The following ARNT variants were observed in gnomAD, a reference collection of about 807,000 sequenced individuals.
The protein encoded by ARNT is class E basic helix-loop-helix protein 2.
Under a neutral mutation model 105.0 loss-of-function variants are expected in ARNT, and 30 were observed. The observed-to-expected ratio is 0.29, with a 90% CI of 0.21 to 0.39. The LOEUF (loss-of-function observed/expected upper bound fraction) is 0.39. Among genes scored for constraint, ARNT ranks in the 10% least tolerant of loss-of-function variants. The probability of loss-of-function intolerance (pLI) is 1.00; values close to 1 mark genes in which losing one functional copy is unlikely to be tolerated. For missense variants in ARNT, 748 were observed against 978.7 expected, an observed-to-expected ratio of 0.76 and a Z score of 3.15; for synonymous variants, 304 against 344.0, an observed-to-expected ratio of 0.88 and a Z score of 1.29.
At chr1:150,870,536 G>C (rs1306364025) in intron 1 of ARNT, among the ~76,000 whole-genome samples, 4 of 151,976 alleles carry the variant, frequency 2.6e-5, no homozygotes, top group African/African-American at 7.2e-5. Context: ...GTCTCACTCT[G>C]TCTCCTAGTC....
chr1:150,867,070 G>A (rs764268164), intron 1 of ARNT, among the ~76,000 whole-genome samples: 1 of 151,944 alleles, frequency 6.6e-6, no homozygotes, highest in Non-Finnish European at 1.5e-5. Context: ...AGCCAGGCGT[G>A]GTGGCACACT....
chr1:150,816,112 T>C (rs1655815657), intron 19 of ARNT, 147 bp downstream of exon 19: 1 of 974,668 alleles, frequency 1.0e-6, no homozygotes, highest in Middle Eastern at 3.2e-4. Context: ...TTTAATTAGC[T>C]ACTCTCAACA....
chr1:150,825,653 A>G (rs1234783005), intron 13 of ARNT, among the ~76,000 whole-genome samples: 2 of 152,056 alleles, frequency 1.3e-5, no homozygotes, highest in African/African-American at 4.8e-5. Context: ...GATCGAGACC[A>G]TCCTGGCCAA....
intron 13 of ARNT, among the ~76,000 whole-genome samples, chr1:150,825,484 C>T (rs1658016070): frequency 6.6e-6 from 1 of 152,156 alleles, no homozygotes; most frequent in Non-Finnish European, 1.5e-5. Context: ...CAGATATTTT[C>T]AGGAGCTGGA....
intron 1 of ARNT, among the ~76,000 whole-genome samples, chr1:150,869,461 A>G (rs1230302417): frequency 6.6e-6 from 1 of 152,186 alleles, no homozygotes; most frequent in Non-Finnish European, 1.5e-5. Flanking sequence ...TGGGTGACAG[A>G]AGGACACTCA....
intron 1 of ARNT, among the ~76,000 whole-genome samples, chr1:150,860,117 T>C (rs1005045040): frequency 6.6e-6 from 1 of 152,050 alleles, no homozygotes; most frequent in Admixed American, 6.6e-5. Context: ...CATCTCATTG[T>C]TTTTTGTTAG....
rs746208662 is a variant in ARNT at position 150,817,924 on chromosome 1, G to A, written c.1501C>T (p.Pro501Ser). Reference protein sequence around the residue: ...PLEMGSGQLAPRQQQQQTELD... With the variant: ...PLEMGSGQLASRQQQQQTELD... Reference sequence around the variant, plus strand: ...GATTATTTCACCCTTTTTTACCTGGGTGCCAGCTGTCCTGAGCCCATCTCC... The same window carrying A: ...GATTATTTCACCCTTTTTTACCTGGATGCCAGCTGTCCTGAGCCCATCTCC... The change falls in exon 15 of 22, where the codon CCC becomes TCC. Residue 501 changes from proline to serine, a missense_variant. Physicochemically the swap from Pro to Ser is moderately conservative, Grantham distance 74. This residue lies in a region of ARNT where 360 missense variants were observed against 411.9 expected (regional missense o/e 0.87). Transcript: ENST00000358595. 3 of 1,609,594 alleles carry A rather than the reference G, an allele frequency of 1.9e-6. No individual in the cohort carries two copies. Among genetic ancestry groups the A allele is most frequent in the Non-Finnish European group, 2.5e-6 (3 of 1,177,296 alleles).
In ARNT at chr1:150,816,369, G is replaced by T. The variant is rs775019737; in HGVS notation, c.1840C>A (p.Pro614Thr). 8.1e-6 allele frequency: 13 copies of T among 1,608,820 alleles called. No homozygotes were observed. The highest frequency in any genetic ancestry group is 1.1e-5 in the Non-Finnish European group (13 of 1,178,658). Residue 614 changes from proline to threonine, a missense_variant, in exon 19 of 22, where the codon CCA becomes ACA. Pro to Thr is a conservative substitution (Grantham distance 38). This residue lies in a region of ARNT where 360 missense variants were observed against 411.9 expected (regional missense o/e 0.87). Transcript: ENST00000358595. ...AACATCTGTCCTGCAGAAGCTGATG[G>T]CTGGACAATGGTTACAGGAGGGGCT... ...GLAPPVTIVQ[P>T]SASAGQMLAQ...
intron 14 of ARNT, 165 bp from the exon 15 acceptor site, chr1:150,818,195 G>A (rs1656341828): frequency 1.9e-6 from 1 of 516,550 alleles, no homozygotes. Flanking sequence ...GTTAATCTAG[G>A]GTGTCAGTTT....
intron 3 of ARNT, among the ~76,000 whole-genome samples, chr1:150,848,178 G>A (rs1662608352): frequency 6.6e-6 from 1 of 152,164 alleles, no homozygotes; most frequent in African/African-American, 2.4e-5. Context: ...GAGTTTTGAA[G>A]GTCCAGGCTG....
At position 150,829,113 on chromosome 1, in the gene ARNT, T is replaced by G. The variant is rs750094376; in HGVS notation, c.1147A>C (p.Thr383Pro). 1.2e-6 allele frequency: 2 copies of G among 1,614,000 alleles called. No individual in the cohort carries two copies. The highest frequency in any genetic ancestry group is 1.7e-6 in the Non-Finnish European group (2 of 1,179,988). The change falls in exon 12 of 22, where the codon ACT becomes CCT. Residue 383 changes from threonine to proline, a missense_variant. Around this residue, in one of 4 missense-constraint regions of ARNT, gnomAD observed 291 missense variants for 444.6 expected, o/e 0.65. Coordinates refer to ENST00000358595, the MANE Select transcript of ARNT (RefSeq NM_001668.4). ...FTFVDHRCVA[T>P]VGYQPQELLG... ...CTCACCTGTGGCTGGTAGCCAACAG[T>G]AGCCACACAGCGGTGATCCACAAAA...
At chr1:150,840,945 CTTTTTTT>C (rs777444553) in intron 5 of ARNT, among the ~76,000 whole-genome samples, 22 of 103,728 alleles carry the variant, frequency 2.1e-4, no homozygotes, top group Admixed American at 8.4e-4. Flanking sequence ...CTCTCTTCTT[CTTTTTTT>C]TTTTTTTTTT....
intron 13 of ARNT, among the ~76,000 whole-genome samples, chr1:150,823,605 C>T (rs918100536): frequency 6.7e-6 from 1 of 148,810 alleles, no homozygotes; most frequent in Non-Finnish European, 1.5e-5. Flanking sequence ...GGCTGGAGTG[C>T]AGTGGCACGA....
At chr1:150,863,844 G>C (rs781046454) in intron 1 of ARNT, among the ~76,000 whole-genome samples, 1 of 151,770 alleles carries the variant, frequency 6.6e-6, no homozygotes, top group Non-Finnish European at 1.5e-5. Flanking sequence ...AGAAGAAAAA[G>C]GCATTCCACA....
intron 16 of ARNT, 69 bp from the exon 17 acceptor site, chr1:150,817,271 T>A: frequency 6.2e-7 from 1 of 1,611,658 alleles, no homozygotes; most frequent in East Asian, 2.2e-5. Flanking sequence ...CTAAAATTCA[T>A]ATACAACATA....
At chr1:150,850,536 G>A (rs995083681) in intron 3 of ARNT, among the ~76,000 whole-genome samples, 20 of 152,198 alleles carry the variant, frequency 1.3e-4, no homozygotes, top group Non-Finnish European at 5.9e-5. Flanking sequence ...CGCCAGCCTC[G>A]GCCTCCCGAG....
rs116320605 is a variant in ARNT, at chr1:150,822,029, G to A, written c.1394+1165C>T. On this transcript the variant is annotated intron_variant, in intron 14 of 21. Coordinates refer to ENST00000358595, the MANE Select transcript of ARNT (RefSeq NM_001668.4). Reference sequence around the variant, plus strand: ...TTTTTATAATAGATTTGTATATGTTGTATGGTAGTAAATGATAAAATAGAC... The same window carrying A: ...TTTTTATAATAGATTTGTATATGTTATATGGTAGTAAATGATAAAATAGAC... 5.6e-3 allele frequency among the ~76,000 whole-genome samples: 844 copies of A among 151,556 alleles called. 5 individuals carry two copies. The highest frequency in any genetic ancestry group is 0.022 in the South Asian group (108 of 4,804).
intron 5 of ARNT, 128 bp downstream of exon 5, chr1:150,842,296 A>G: frequency 2.2e-6 from 3 of 1,382,512 alleles, no homozygotes; most frequent in Non-Finnish European, 2.8e-6. Context: ...CTTCTAAAAA[A>G]TCTTGTCCTC....
At chr1:150,829,725 C>T (rs1184443625) in intron 11 of ARNT, among the ~76,000 whole-genome samples, 179 bp downstream of exon 11, 1 of 152,174 alleles carries the variant, frequency 6.6e-6, no homozygotes, top group African/African-American at 2.4e-5. Context: ...TCATACTTTT[C>T]AACTTTACTT....
Sources: allele counts gnomAD v4.1 joint callset (sites outside exome capture counted in the v4.1 genomes callset), GRCh38; gene constraint gnomAD v4.1.1; regional missense constraint gnomAD v4.1.1; transcripts MANE v1.5; gene names NCBI Gene and HGNC (gene_info 2026-07-23, HGNC 2026-07-21).